Variants in WDR41 observed in about 807,000 individuals in gnomAD.
WDR41 encodes WD repeat domain 41.
A neutral mutation model predicts 69.3 loss-of-function variants in WDR41; 63 were observed. That is an observed-to-expected ratio of 0.91 (90% CI 0.74 to 1.12). The LOEUF (loss-of-function observed/expected upper bound fraction) is 1.12. Among genes scored for constraint, WDR41 ranks in the 50% most tolerant of loss-of-function variants. The pLI is 0.00. For synonymous variants in WDR41, 185 were observed against 192.1 expected (o/e 0.96, Z 0.31); for missense variants, 543 against 534.5 (o/e 1.02, Z -0.16).
At chr5:77,604,333 TA>T (rs1207066698) in intron 1 of WDR41, among the ~76,000 whole-genome samples, 3 of 152,220 alleles carry the variant, frequency 2.0e-5, no homozygotes, top group African/African-American at 4.8e-5. Flanking sequence ...GTTTTGTTTT[TA>T]GCTACTGTAA....
chr5:77,449,025 C>G (rs1337198800), intron 8 of WDR41, among the ~76,000 whole-genome samples: 2 of 152,150 alleles, frequency 1.3e-5, no homozygotes, highest in Non-Finnish European at 2.9e-5. Context: ...GACTATCAAA[C>G]TGAAGCCACC....
At chr5:77,586,276 T>G (rs1215203843) in intron 1 of WDR41, among the ~76,000 whole-genome samples, 1 of 150,482 alleles carries the variant, frequency 6.6e-6, no homozygotes, top group African/African-American at 2.4e-5. Flanking sequence ...AACCCTTTTA[T>G]ATTTTGTATT....
chr5:77,473,489 C>A (rs1800732519), intron 2 of WDR41, among the ~76,000 whole-genome samples: 1 of 152,110 alleles, frequency 6.6e-6, no homozygotes, highest in Non-Finnish European at 1.5e-5. Context: ...AAAGAAACTA[C>A]CATCAGAGTG....
chr5:77,437,479 C>A, intron 10 of WDR41, 55 bp from the exon 11 acceptor site: 1 of 1,475,424 alleles, frequency 6.8e-7, no homozygotes. Context: ...AGGGCCAATG[C>A]TAAATTTGCA....
intron 1 of WDR41, among the ~76,000 whole-genome samples, chr5:77,542,261 G>A (rs7711856): frequency 6.6e-6 from 1 of 151,790 alleles, no homozygotes; most frequent in Admixed American, 6.6e-5. Flanking sequence ...CAACACGCAC[G>A]GGGGCCTACT....
chr5:77,617,978 G>A (rs1467099835), intron 1 of WDR41, among the ~76,000 whole-genome samples: 4 of 152,274 alleles, frequency 2.6e-5, no homozygotes, highest in East Asian at 1.9e-4. Context: ...CTGAGAAATC[G>A]ATGACTTAAG....
chr5:77,594,562 T>C (rs35728880), intron 1 of WDR41, among the ~76,000 whole-genome samples: 22,891 of 152,168 alleles, frequency 0.15, 1,754 homozygotes, highest in East Asian at 0.18. Flanking sequence ...GGAAATAACA[T>C]GCTTGGGCAG....
rs1198693099 is a variant in WDR41, at chr5:77,545,767, T to C, written c.43-56195A>G. 2.6e-5 allele frequency: 21 copies of C among 812,552 alleles called. No homozygotes were observed. In the East Asian group the frequency reaches 2.9e-4, roughly 11 times the overall value. 50.3% of individuals were successfully genotyped at this position (812,552 alleles called of 1,614,324 possible). On this transcript the variant is annotated intron_variant, in intron 1 of 5. Transcript: ENST00000509971. ...CAAGGCGTTTGTTGCCTTGACTACA[T>C]TGGGGACTACAATGGCCACGTCGGT...
chr5:77,541,172 T>G, intron 1 of WDR41, among the ~76,000 whole-genome samples: 1 of 152,228 alleles, frequency 6.6e-6, no homozygotes, highest in African/African-American at 2.4e-5. Flanking sequence ...AGACAACTTA[T>G]AAAATGGGAG....
intron 1 of WDR41, among the ~76,000 whole-genome samples, chr5:77,558,093 TTA>T (rs1491231701): frequency 9.9e-5 from 10 of 101,312 alleles, no homozygotes; most frequent in Non-Finnish European, 1.6e-4. Context: ...AATGTTCTTT[TTA>T]AAAAAAAAAA....
intron 3 of WDR41, among the ~76,000 whole-genome samples, 160 bp downstream of exon 3, chr5:77,464,601 C>T (rs1490556873): frequency 2.0e-5 from 3 of 152,088 alleles, no homozygotes; most frequent in Non-Finnish European, 4.4e-5. Context: ...AAATACTGGT[C>T]CCCACTGTAT....
At chr5:77,469,086 T>C (rs1394615796) in intron 2 of WDR41, among the ~76,000 whole-genome samples, 1 of 152,148 alleles carries the variant, frequency 6.6e-6, no homozygotes, top group East Asian at 1.9e-4. Context: ...TTCACGTCCT[T>C]TGTAGGGACA....
At chr5:77,434,685 A>AGAT in intron 12 of WDR41, among the ~76,000 whole-genome samples, 1 of 152,206 alleles carries the variant, frequency 6.6e-6, no homozygotes, top group Admixed American at 6.5e-5. Context: ...CAACAGAGTG[A>AGAT]GATGCTGTCT....
At chr5:77,464,273 A>AAT (rs772388660) in intron 3 of WDR41, among the ~76,000 whole-genome samples, 1 of 95,500 alleles carries the variant, frequency 1.0e-5, no homozygotes, top group Non-Finnish European at 2.1e-5. Flanking sequence ...TTAGGAAAAA[A>AAT]CTTTTTTTTT....
chr5:77,451,997 T>A (rs936898388), intron 6 of WDR41: 1 of 144,046 alleles, frequency 6.9e-6, no homozygotes, highest in African/African-American at 2.7e-5. Context: ...AGTTGATAAA[T>A]TAGAACCACC....
intron 5 of WDR41, among the ~76,000 whole-genome samples, chr5:77,456,647 C>A (rs1382201407): frequency 1.3e-5 from 2 of 152,152 alleles, no homozygotes; most frequent in African/African-American, 4.8e-5. Context: ...ACATCCTTAT[C>A]TTGTGCCTGA....
At chr5:77,604,115 A>G (rs551755613) in intron 1 of WDR41, among the ~76,000 whole-genome samples, 10 of 152,244 alleles carry the variant, frequency 6.6e-5, no homozygotes, top group Admixed American at 2.0e-4. Context: ...GTGAAAAATG[A>G]CATTGCTATT....
At chr5:77,476,951 T>C (rs1326637905) in intron 2 of WDR41, among the ~76,000 whole-genome samples, 2 of 145,738 alleles carry the variant, frequency 1.4e-5, no homozygotes, top group Non-Finnish European at 3.0e-5. Context: ...GAGACACACA[T>C]AGGCTCAAAA....
chr5:77,545,758 T>C, intron 1 of WDR41: 1 of 713,018 alleles, frequency 1.4e-6, no homozygotes, highest in Non-Finnish European at 2.2e-6. Context: ...GTTTGTTGCC[T>C]TGACTACATT....
Sources: gnomAD v4.1 joint callset for allele counts (sites outside exome capture counted in the v4.1 genomes callset) on GRCh38, gnomAD v4.1.1 for gene constraint, MANE v1.5 for transcripts, NCBI Gene and HGNC (gene_info 2026-07-23, HGNC 2026-07-21) for gene names.